Variants in PDHX observed in about 807,000 individuals in gnomAD.
PDHX encodes the protein pyruvate dehydrogenase protein X component, mitochondrial.
Under a neutral mutation model 55.3 loss-of-function variants are expected in PDHX, and 33 were observed. The observed-to-expected ratio is 0.60, with a 90% confidence interval of 0.45 to 0.80. PDHX has a LOEUF of 0.80. Among genes scored for constraint, PDHX ranks in the 30% least tolerant of loss-of-function variants. PDHX has a pLI of 0.00. For synonymous variants in PDHX, 226 were observed against 219.4 expected (o/e 1.03, Z -0.27); for missense variants, 622 against 619.9 (o/e 1.00, Z -0.04).
chr11:34,982,800 A>G (rs9665797), intron 8 of PDHX, among the ~76,000 whole-genome samples: 7,115 of 152,180 alleles, frequency 0.047, 517 homozygotes, highest in African/African-American at 0.16. Context: ...CAACTAAAAA[A>G]AGTCCAGGAC....
intron 5 of PDHX, among the ~76,000 whole-genome samples, chr11:34,964,908 A>G (rs908253904): frequency 1.3e-5 from 2 of 152,118 alleles, no homozygotes; most frequent in African/African-American, 4.8e-5. Flanking sequence ...AGTAATAGTT[A>G]TGCTAAAAAT....
chr11:34,976,150 G>A (rs1200708646), intron 7 of PDHX, among the ~76,000 whole-genome samples: 2 of 152,022 alleles, frequency 1.3e-5, no homozygotes, highest in African/African-American at 4.8e-5. Flanking sequence ...TCTTTGCATG[G>A]TCCAGTTTTG....
At chr11:34,944,854 T>G (rs1854584308) in intron 2 of PDHX, among the ~76,000 whole-genome samples, 1 of 152,202 alleles carries the variant, frequency 6.6e-6, no homozygotes, top group African/African-American at 2.4e-5. Flanking sequence ...ATTTTGATAA[T>G]CTCTACTTTT....
intron 2 of PDHX, among the ~76,000 whole-genome samples, chr11:34,939,943 A>C (rs1854432773): frequency 1.3e-5 from 2 of 152,172 alleles, no homozygotes; most frequent in Admixed American, 6.5e-5. Context: ...CATTTTTATT[A>C]CAAGTTTTTT....
chr11:34,959,336 A>G (rs976842763), intron 4 of PDHX, among the ~76,000 whole-genome samples: 2 of 152,152 alleles, frequency 1.3e-5, no homozygotes, highest in Non-Finnish European at 1.5e-5. Context: ...GTCACTAACC[A>G]TTAGGGAAAT....
chr11:34,944,631 C>T (rs913851348), intron 2 of PDHX, among the ~76,000 whole-genome samples: 11 of 152,124 alleles, frequency 7.2e-5, no homozygotes, highest in Non-Finnish European at 1.0e-4. Flanking sequence ...GTACTGTGAA[C>T]GTTCAGAGCA....
intron 3 of PDHX, among the ~76,000 whole-genome samples, chr11:34,954,195 T>C (rs1340043416): frequency 6.6e-6 from 1 of 152,240 alleles, no homozygotes; most frequent in Non-Finnish European, 1.5e-5. Flanking sequence ...ACTAGGTAGC[T>C]TTCAAACTGC....
At chr11:34,981,746 G>T (rs1420437767) in intron 8 of PDHX, among the ~76,000 whole-genome samples, 4 of 150,788 alleles carry the variant, frequency 2.7e-5, no homozygotes, top group Admixed American at 2.6e-4. Context: ...TTTCTTTGAT[G>T]ACTAGTGATG....
rs183891296 is a variant in PDHX, at chr11:34,994,629, G to C, written c.1248-285G>C. Reference sequence around the variant, plus strand: ...ACCACCGTTGTATATGTGATCCTTCGTTATGTGGGACATGACTCGATATAA... The same window carrying C: ...ACCACCGTTGTATATGTGATCCTTCCTTATGTGGGACATGACTCGATATAA... On this transcript the variant is annotated intron_variant, in intron 10 of 10. Transcript: ENST00000227868. 2.0e-5 allele frequency among the ~76,000 whole-genome samples: 3 copies of C among 152,250 alleles called. No homozygotes were observed. In the South Asian group the frequency reaches 6.2e-4, roughly 32 times the overall value.
chr11:34,916,310 C>A (rs1453737509), upstream of PDHX: 3 of 1,610,110 alleles, frequency 1.9e-6, no homozygotes, highest in Admixed American at 5.0e-5. Context: ...CCCGCGCGGC[C>A]TCCAATCTCC....
intron 3 of PDHX, among the ~76,000 whole-genome samples, chr11:34,950,878 TG>T (rs1854746516): frequency 6.7e-6 from 1 of 150,112 alleles, no homozygotes; most frequent in South Asian, 2.1e-4. Flanking sequence ...TATAGTCCTT[TG>T]GGTATATACC....
chr11:34,952,287 C>T (rs367799373), intron 3 of PDHX, among the ~76,000 whole-genome samples: 2 of 151,964 alleles, frequency 1.3e-5, no homozygotes, highest in African/African-American at 4.8e-5. Context: ...ACCATTCCTT[C>T]TGAAACTATT....
At position 34,960,489 on chromosome 11, in the gene PDHX, C is replaced by G; in HGVS notation, c.612C>G (p.Ala204=). The G allele has an allele frequency of 6.2e-7, 1 of 1,611,396 alleles. No individual in the cohort carries two copies. The highest frequency in any genetic ancestry group is 8.5e-7 in the Non-Finnish European group (1 of 1,177,656). The change falls in exon 5 of 11, where the codon GCC becomes GCG. Residue 204 remains alanine, a synonymous_variant. Transcript: ENST00000227868. ...KHSLDASQGT[A]TGPRGIFTKE... ...CACTGGATGCTAGCCAGGGCACAGC[C>G]ACTGGCCCTCGGGGGATATTCACTA...
At chr11:34,924,536 C>T (rs1853971739) in intron 1 of PDHX, among the ~76,000 whole-genome samples, 1 of 151,974 alleles carries the variant, frequency 6.6e-6, no homozygotes, top group African/African-American at 2.4e-5. Flanking sequence ...TATTTCTTTA[C>T]AAAAATCTAT....
chr11:34,969,394 A>G (rs1404125865), intron 6 of PDHX, among the ~76,000 whole-genome samples: 1 of 142,916 alleles, frequency 7.0e-6, no homozygotes, highest in Non-Finnish European at 1.5e-5. Flanking sequence ...CCCAGGCTGG[A>G]GTGCAGTGGC....
At chr11:34,949,138 T>C (rs114111934) in intron 3 of PDHX, among the ~76,000 whole-genome samples, 1,564 of 152,358 alleles carry the variant, frequency 0.01, 22 homozygotes, top group African/African-American at 0.036. Context: ...TGTGGCTTTA[T>C]TATTATTCCA....
intron 1 of PDHX, among the ~76,000 whole-genome samples, chr11:34,924,974 A>G (rs1417407628): frequency 6.6e-6 from 1 of 152,126 alleles, no homozygotes; most frequent in Admixed American, 6.5e-5. Context: ...TTCTTGGTCA[A>G]ATATTCAGTG....
intron 8 of PDHX, 136 bp downstream of exon 8, chr11:34,978,318 G>T: frequency 1.6e-6 from 1 of 642,184 alleles, no homozygotes; most frequent in Non-Finnish European, 2.8e-6. Context: ...CCTATCGTTT[G>T]ATCTCCCTCA....
At chr11:34,931,779 T>C (rs986659521) in intron 2 of PDHX, among the ~76,000 whole-genome samples, 2 of 151,768 alleles carry the variant, frequency 1.3e-5, no homozygotes, top group African/African-American at 4.8e-5. Context: ...ATCATAGTTT[T>C]GACATTCTCC....
Sources: gnomAD v4.1 joint callset for allele counts (sites outside exome capture counted in the v4.1 genomes callset) on GRCh38, gnomAD v4.1.1 for gene constraint, MANE v1.5 for transcripts, NCBI Gene and HGNC (gene_info 2026-07-23, HGNC 2026-07-21) for gene names.